The following FLT1 variants were observed in gnomAD, a reference collection of about 807,000 sequenced individuals.
The protein encoded by FLT1 is vascular endothelial growth factor receptor 1.
A neutral mutation model predicts 156.3 loss-of-function variants in FLT1; 49 were observed. The ratio of observed to expected loss-of-function variants is 0.31; its 90% CI spans 0.25 to 0.40. The LOEUF is 0.40. Among genes scored for constraint, FLT1 ranks in the 10% least tolerant of loss-of-function variants. The pLI, the probability that FLT1 is intolerant of heterozygous loss-of-function variation, is 1.00. For missense variants in FLT1, 1,322 were observed against 1,637.2 expected, an observed-to-expected ratio of 0.81 and a Z score of 3.32; for synonymous variants, 594 against 583.8, an observed-to-expected ratio of 1.02 and a Z score of -0.25.
chr13:28,352,505 T>G (rs1325204252), intron 15 of FLT1, among the ~76,000 whole-genome samples: 1 of 152,212 alleles, frequency 6.6e-6, no homozygotes, highest in Admixed American at 6.5e-5. Context: ...TGAGTTTGAA[T>G]TATTTTGCCT....
intron 14 of FLT1, among the ~76,000 whole-genome samples, chr13:28,374,646 C>T (rs990042601): frequency 1.8e-4 from 28 of 151,530 alleles, no homozygotes; most frequent in Non-Finnish European, 1.9e-4. Flanking sequence ...CGAGTAGCTG[C>T]GACTACAGGC....
At chr13:28,415,713 T>C (rs912542185) in intron 10 of FLT1, among the ~76,000 whole-genome samples, 2 of 152,168 alleles carry the variant, frequency 1.3e-5, no homozygotes, top group Non-Finnish European at 2.9e-5. Flanking sequence ...TATACTACTA[T>C]AGGCTGAACA....
intron 14 of FLT1, among the ~76,000 whole-genome samples, chr13:28,372,073 TA>T (rs1228285639): frequency 6.9e-4 from 19 of 27,470 alleles, no homozygotes; most frequent in Admixed American, 1.5e-3. Flanking sequence ...TATATATATA[TA>T]TATTTTTTTT....
chr13:28,319,078 G>A (rs1483982239), intron 24 of FLT1, among the ~76,000 whole-genome samples: 2 of 152,178 alleles, frequency 1.3e-5, no homozygotes, highest in East Asian at 1.9e-4. Context: ...GAAGCGGTAA[G>A]GGCATTAGAG....
At chr13:28,483,021 G>A (rs1880948472) in intron 1 of FLT1, among the ~76,000 whole-genome samples, 1 of 152,220 alleles carries the variant, frequency 6.6e-6, no homozygotes, top group South Asian at 2.1e-4. Flanking sequence ...GTCCATTCCA[G>A]GGCACTGCAA....
intron 11 of FLT1, among the ~76,000 whole-genome samples, chr13:28,401,386 C>A (rs1385217034): frequency 6.6e-6 from 1 of 152,106 alleles, no homozygotes; most frequent in Admixed American, 6.6e-5. Flanking sequence ...TGGTATGACC[C>A]AGGAATGCTC....
Position 28,434,061 on chromosome 13 carries a change from G to A in FLT1, c.673C>T (p.Gln225Ter). The A allele has an allele frequency of 6.2e-7, 1 of 1,614,148 alleles. No homozygotes were observed. The stretch of plus-strand genomic sequence containing the variant: ...ATGCCTTTGAAGCATCACTTACTTT[G>A]TCGATGTGTGAGATAGTTTGTCTTA... ...LYKTNYLTHR[Q>*]TNTIIDVQIS... Residue 225 changes from glutamine (Q) to a stop codon, truncating the protein, a stop_gained, in exon 5 of 30, where the codon CAA becomes TAA. Coordinates refer to ENST00000282397, the MANE Select transcript of FLT1 (RefSeq NM_002019.4). LOFTEE classifies it high-confidence loss of function.
At position 28,300,579 on chromosome 13, in the gene FLT1, C is replaced by T. The variant is rs1593660824; in HGVS notation, c.*2588G>A. Reference sequence around the variant, plus strand: ...CACATACAGTTACACCACTGTCGGCCAAAGATGCACTCCTCCTTTAATCAA... The same window carrying T: ...CACATACAGTTACACCACTGTCGGCTAAAGATGCACTCCTCCTTTAATCAA... On this transcript the variant is annotated 3_prime_UTR_variant, in exon 30 of 30. Coordinates refer to ENST00000282397, the MANE Select transcript of FLT1 (RefSeq NM_002019.4). 4.3e-6 allele frequency: 1 copy of T among 231,314 alleles called. No individual in the cohort carries two copies. Among genetic ancestry groups the T allele is most frequent in the East Asian group, 6.0e-5 (1 of 16,546 alleles). The allele number at this position is 231,314 out of a possible 1,614,324, so 14.3% of individuals were successfully genotyped here. A position where few individuals can be genotyped will look rare whatever the true frequency, so the allele number is the denominator to read the frequency against.
intron 1 of FLT1, among the ~76,000 whole-genome samples, chr13:28,479,830 T>A (rs1880741077): frequency 6.6e-6 from 1 of 152,204 alleles, no homozygotes; most frequent in African/African-American, 2.4e-5. Flanking sequence ...TTAGCTTTTT[T>A]AAAAATATCA....
chr13:28,465,247 C>T (rs75862492), intron 3 of FLT1, among the ~76,000 whole-genome samples: 3 of 152,128 alleles, frequency 2.0e-5, no homozygotes, highest in South Asian at 2.1e-4. Flanking sequence ...CAAAATTCCC[C>T]GGCCTACCTC....
chr13:28,435,107 C>T (rs1316451464), intron 4 of FLT1, among the ~76,000 whole-genome samples: 1 of 152,180 alleles, frequency 6.6e-6, no homozygotes, highest in Non-Finnish European at 1.5e-5. Context: ...TCTGACGATC[C>T]TGCTGTGTCA....
At chr13:28,384,059 G>GT (rs1874205594) in intron 14 of FLT1, among the ~76,000 whole-genome samples, 1 of 152,232 alleles carries the variant, frequency 6.6e-6, no homozygotes, top group South Asian at 2.1e-4. Flanking sequence ...GTAGATTTAT[G>GT]TTTTTTACTA....
intron 29 of FLT1, among the ~76,000 whole-genome samples, chr13:28,305,042 A>G (rs909085805): frequency 1.3e-5 from 2 of 152,150 alleles, no homozygotes; most frequent in African/African-American, 2.4e-5. Context: ...TCTTGAGTAT[A>G]TGCCTAGGAG....
intron 24 of FLT1, among the ~76,000 whole-genome samples, chr13:28,318,104 G>T (rs1871279077): frequency 6.6e-6 from 1 of 152,110 alleles, no homozygotes; most frequent in African/African-American, 2.4e-5. Flanking sequence ...GACTCCAGGT[G>T]CTCACCATCA....
At chr13:28,314,559 G>T (rs1871129650) in intron 25 of FLT1, among the ~76,000 whole-genome samples, 1 of 152,140 alleles carries the variant, frequency 6.6e-6, no homozygotes, top group Non-Finnish European at 1.5e-5. Context: ...ATCCAAGCTG[G>T]GGATGAGGGG....
chr13:28,355,998 A>G (rs1872884142), intron 15 of FLT1, among the ~76,000 whole-genome samples: 1 of 152,188 alleles, frequency 6.6e-6, no homozygotes, highest in Admixed American at 6.5e-5. Context: ...TCACTGCTTC[A>G]TACCCAGGCT....
rs1664756102 is a variant in FLT1, at chr13:28,465,835, CA to C, written c.388+1067del. Among the ~76,000 whole-genome samples, 3 of 147,092 alleles carry C rather than the reference CA, an allele frequency of 2.0e-5. No individual in the cohort carries two copies. In the South Asian group the frequency reaches 6.4e-4, roughly 31 times the overall value. On this transcript the variant is annotated intron_variant, in intron 3 of 29. Coordinates refer to ENST00000282397, the MANE Select transcript of FLT1 (RefSeq NM_002019.4). ...TGGGTGAGAGATCAAGACTCCATCT[CA>C]AAAAAACAAACAAACAACAACGAAA...
intron 14 of FLT1, among the ~76,000 whole-genome samples, chr13:28,364,862 C>A (rs1446155163): frequency 6.6e-6 from 1 of 152,122 alleles, no homozygotes; most frequent in Non-Finnish European, 1.5e-5. Context: ...GATAACACAT[C>A]TTGATATCTG....
chr13:28,491,750 T>C (rs1881480647), intron 1 of FLT1, among the ~76,000 whole-genome samples: 1 of 152,236 alleles, frequency 6.6e-6, no homozygotes, highest in African/African-American at 2.4e-5. Context: ...GACACGGTGT[T>C]CAGGCCATTT....
Sources: allele counts gnomAD v4.1 joint callset (sites outside exome capture counted in the v4.1 genomes callset), GRCh38; gene constraint gnomAD v4.1.1; transcripts MANE v1.5; gene names NCBI Gene and HGNC (gene_info 2026-07-23, HGNC 2026-07-21).